ADGRD2: variants seen among roughly 807,000 people sequenced by gnomAD.
ADGRD2 encodes G protein-coupled receptor PGR24.
Under a neutral mutation model 44.4 loss-of-function variants are expected in ADGRD2, and 71 were observed. The observed-to-expected ratio is 1.60, with a 90% CI of 1.32 to 1.95. ADGRD2 has a LOEUF of 1.95. Ranked by LOEUF, ADGRD2 falls within the 30% of genes most tolerant of loss-of-function variation. ADGRD2 has a pLI of 0.00. For missense variants in ADGRD2, 1,039 were observed against 512.4 expected, an observed-to-expected ratio of 2.03 and a Z score of -9.92; for synonymous variants, 481 against 224.8, an observed-to-expected ratio of 2.14 and a Z score of -10.19.
exon 17 of ADGRD2, chr9:124,470,611 C>T: frequency 1.4e-6 from 1 of 704,834 alleles, no homozygotes; most frequent in South Asian, 1.5e-5. Flanking sequence ...TCAACTCCAT[C>T]CAGGTACCTC....
intron 17 of ADGRD2, among the ~76,000 whole-genome samples, chr9:124,474,503 G>A (rs753774399): frequency 1.8e-4 from 28 of 152,170 alleles, no homozygotes; most frequent in Non-Finnish European, 3.7e-4. Flanking sequence ...CTGTCTTGGA[G>A]AATGGGGGTG....
At chr9:124,458,352 C>A in intron 9 of ADGRD2, 116 bp downstream of exon 12, 1 of 640,180 alleles carries the variant, frequency 1.6e-6, no homozygotes, top group South Asian at 1.8e-5. Context: ...CACCCTTTCC[C>A]ACCCCTGCCC....
intron 11 of ADGRD2, 95 bp from the exon 15 acceptor site, chr9:124,467,626 C>T (rs955238883): frequency 1.8e-5 from 12 of 678,018 alleles, no homozygotes; most frequent in East Asian, 5.4e-5. Flanking sequence ...GAGGCGAATG[C>T]GGCGTGGGGG....
exon 3 of ADGRD2, chr9:124,453,428 C>T: frequency 1.5e-6 from 1 of 649,524 alleles, no homozygotes; most frequent in East Asian, 3.2e-5. Flanking sequence ...CACCCGGTGC[C>T]GTCCGGCGGC....
At chr9:124,452,942 GCCTGGAAGGA>G in intron 2 of ADGRD2, 83 bp from the exon 6 acceptor site, 1 of 605,410 alleles carries the variant, frequency 1.7e-6, no homozygotes, top group South Asian at 2.0e-5. Flanking sequence ...GCATCCCAAA[GCCTGGAAGGA>G]CCCCACCGCT....
exon 9 of ADGRD2, chr9:124,458,170 C>G (rs534551897): frequency 1.4e-6 from 1 of 718,530 alleles, no homozygotes; most frequent in Non-Finnish European, 2.6e-6. Context: ...TTCCAGCACA[C>G]CCTAGAGGGA....
chr9:124,455,213 CAGCATCT>C, intron 6 of ADGRD2, 86 bp downstream of exon 9: 1 of 599,592 alleles, frequency 1.7e-6, no homozygotes, highest in South Asian at 2.0e-5. Flanking sequence ...GTGGGGGAGT[CAGCATCT>C]AGCTATGGGC....
At chr9:124,452,236 A>G (rs945614671) in intron 1 of ADGRD2, 82 bp downstream of exon 4, 54 of 648,620 alleles carry the variant, frequency 8.3e-5, no homozygotes, top group Admixed American at 2.5e-4. Context: ...ACTGGCCTAG[A>G]ATGCAAAGGA....
In ADGRD2 at chr9:124,454,034, C is replaced by G. The variant is rs1442538021; in HGVS notation, c.961C>G (p.Pro321Ala). 1 of 713,628 alleles carries G rather than the reference C, an allele frequency of 1.4e-6. No individual in the cohort carries two copies. The highest frequency in any genetic ancestry group is 2.6e-6 in the Non-Finnish European group (1 of 383,506). The allele number at this position is 713,628 out of a possible 1,614,324, so 44.2% of individuals were successfully genotyped here. The change falls in exon 4 of 22, where the codon CCT (proline) becomes GCT (alanine). Residue 321 changes from proline (P) to alanine (A), a missense_variant. Physicochemically the swap from Pro to Ala is conservative, Grantham distance 27. Coordinates refer to ENST00000334810, the Ensembl canonical transcript of ADGRD2. This position sits in a 1 kb window ranked among gnomAD's most constrained non-coding sequence, Gnocchi z 4.5. ...GGAGTGCCCTACGTGGAACCCGGGACCTCGCAGTGAGGGCTCTGAGCTCTG... is the reference window on the plus strand; with the variant it reads ...GGAGTGCCCTACGTGGAACCCGGGAGCTCGCAGTGAGGGCTCTGAGCTCTG...
At chr9:124,472,654 C>A (rs955301341) in intron 17 of ADGRD2, among the ~76,000 whole-genome samples, 1 of 152,054 alleles carries the variant, frequency 6.6e-6, no homozygotes, top group Non-Finnish European at 1.5e-5. Context: ...TTACAGGCAC[C>A]TGCCACCACG....
At chr9:124,473,434 G>A (rs1472737437) in intron 17 of ADGRD2, among the ~76,000 whole-genome samples, 2 of 152,232 alleles carry the variant, frequency 1.3e-5, no homozygotes, top group East Asian at 1.9e-4. Flanking sequence ...TCTAACCAAA[G>A]GGGATCAGAT....
At chr9:124,463,046 G>T (rs764102832) in intron 10 of ADGRD2, among the ~76,000 whole-genome samples, 2 of 151,884 alleles carry the variant, frequency 1.3e-5, no homozygotes, top group Non-Finnish European at 2.9e-5. Flanking sequence ...TGTTGAATTG[G>T]AGTGGTGAGG....
At chr9:124,476,703 G>A (rs971673247) in exon 21 of ADGRD2, 1 of 702,370 alleles carries the variant, frequency 1.4e-6, no homozygotes, top group Non-Finnish European at 2.6e-6. Context: ...AGCGTTCAAA[G>A]CTTCAGGTAC....
At chr9:124,453,395 G>A in exon 3 of ADGRD2, 2 of 583,574 alleles carry the variant, frequency 3.4e-6, no homozygotes, top group Non-Finnish European at 6.0e-6. Flanking sequence ...CGGCGCGCTG[G>A]GGCGCGGGGG....
At chr9:124,458,383 C>A (rs1268633226) in intron 9 of ADGRD2, 147 bp downstream of exon 12, 1 of 626,148 alleles carries the variant, frequency 1.6e-6, no homozygotes, top group South Asian at 1.9e-5. Context: ...CACTTCTGCA[C>A]CTGCCAGAGG....
chr9:124,461,172 T>A (rs978109715), intron 10 of ADGRD2, among the ~76,000 whole-genome samples: 1 of 152,374 alleles, frequency 6.6e-6, no homozygotes, highest in Middle Eastern at 3.4e-3. Flanking sequence ...GTTGTAAGAA[T>A]TCTTTATATA....
intron 19 of ADGRD2, among the ~76,000 whole-genome samples, 175 bp downstream of exon 22, chr9:124,475,790 G>A (rs543224248): frequency 2.6e-5 from 4 of 152,276 alleles, no homozygotes; most frequent in South Asian, 2.1e-4. Context: ...GCTCCACCCC[G>A]GAGACACGTG....
chr9:124,460,778 T>C (rs993981767), intron 10 of ADGRD2, among the ~76,000 whole-genome samples: 5 of 152,092 alleles, frequency 3.3e-5, no homozygotes, highest in South Asian at 4.2e-4. Flanking sequence ...CATATACAAG[T>C]CTTTTTGTGG....
intron 10 of ADGRD2, among the ~76,000 whole-genome samples, chr9:124,462,161 G>A (rs891101803): frequency 6.6e-6 from 1 of 151,970 alleles, no homozygotes; most frequent in African/African-American, 2.4e-5. Context: ...TGGCTCAAGC[G>A]ATCCTCCTCC....
Sources: gnomAD v4.1 joint callset for allele counts (sites outside exome capture counted in the v4.1 genomes callset) on GRCh38, gnomAD v4.1.1 for gene constraint, Gnocchi (gnomAD v3.1) non-coding constraint, MANE v1.5 for transcripts, NCBI Gene and HGNC (gene_info 2026-07-23, HGNC 2026-07-21) for gene names.